DMD: variants seen among roughly 807,000 people sequenced by gnomAD.
DMD encodes the protein mutant dystrophin.
Under a neutral mutation model 330.1 loss-of-function variants are expected in DMD, and 63 were observed. The ratio of observed to expected loss-of-function variants is 0.19; its 90% CI spans 0.16 to 0.24. The LOEUF is 0.24. Ranked by LOEUF, DMD falls within the 10% of genes least tolerant of loss-of-function variation. The pLI is 1.00. For missense variants in DMD, 3,344 were observed against 2,684.1 expected (o/e 1.25, Z -5.43); for synonymous variants, 1,223 against 959.8 (o/e 1.27, Z -5.07).
intron 1 of DMD, among the ~76,000 whole-genome samples, chrX:33,063,576 G>T (rs2094607324): frequency 9.0e-6 from 1 of 111,427 alleles, no homozygotes; most frequent in Non-Finnish European, 1.9e-5. Flanking sequence ...TTTGCTCCCC[G>T]GCTGATGTAC....
chrX:32,351,010 A>C (rs985832487), intron 37 of DMD, among the ~76,000 whole-genome samples: 1 of 111,198 alleles, frequency 9.0e-6, no homozygotes, highest in African/African-American at 3.3e-5. Context: ...CAAGTTATTT[A>C]TCCTCATTGA....
intron 1 of DMD, among the ~76,000 whole-genome samples, chrX:33,028,195 G>A (rs1360607776): frequency 9.0e-6 from 1 of 111,654 alleles, no homozygotes; most frequent in Non-Finnish European, 1.9e-5. Context: ...GAATGGCAGT[G>A]GGGCTGGAAA....
intron 50 of DMD, among the ~76,000 whole-genome samples, chrX:31,788,859 C>A (rs1445309305): frequency 9.1e-6 from 1 of 110,375 alleles, no homozygotes; most frequent in African/African-American, 3.3e-5. Flanking sequence ...ATTTTTAAAG[C>A]CTATTTTGTC....
intron 44 of DMD, among the ~76,000 whole-genome samples, chrX:32,101,360 C>T (rs2096538784): frequency 9.0e-6 from 1 of 111,103 alleles, no homozygotes; most frequent in South Asian, 3.8e-4. Context: ...TTTAGGATTA[C>T]TACGAAGAAG....
intron 52 of DMD, among the ~76,000 whole-genome samples, chrX:31,712,385 C>G (rs775504708): frequency 8.9e-6 from 1 of 111,772 alleles, no homozygotes; most frequent in African/African-American, 3.2e-5. Context: ...GCTTGCTTTA[C>G]CATACCACTG....
chrX:31,622,787 G>A (rs1235471553), intron 55 of DMD, among the ~76,000 whole-genome samples: 5 of 103,371 alleles, frequency 4.8e-5, no homozygotes, highest in Admixed American at 2.2e-4. Context: ...CTAACACCAC[G>A]ACACATGGCA....
intron 6 of DMD, among the ~76,000 whole-genome samples, chrX:32,811,057 G>A (rs866366480): frequency 1.8e-5 from 2 of 109,874 alleles, no homozygotes; most frequent in Non-Finnish European, 3.8e-5. Context: ...TGCTGGCCAG[G>A]CACCTTGGCT....
At chrX:33,010,146 A>G (rs1041468095) in intron 2 of DMD, among the ~76,000 whole-genome samples, 2 of 104,539 alleles carry the variant, frequency 1.9e-5, no homozygotes, top group Non-Finnish European at 3.9e-5. Context: ...ATATACGTGT[A>G]TATATACATG....
intron 7 of DMD, among the ~76,000 whole-genome samples, chrX:32,776,239 C>G (rs754628086): frequency 4.6e-5 from 5 of 109,637 alleles, no homozygotes; most frequent in Non-Finnish European, 9.5e-5. Flanking sequence ...CAACAAGTCT[C>G]TGGGAAATTC....
In DMD at chrX:32,397,028, A is replaced by T. The variant is rs190919494; in HGVS notation, c.4234-6847T>A. Among the ~76,000 whole-genome samples, 283 of 111,452 alleles carry T rather than the reference A, an allele frequency of 2.5e-3. 3 individuals are homozygous for T. Among genetic ancestry groups the T allele is most frequent in the African/African-American group, 7.9e-3 (242 of 30,780 alleles). ...TGGGAAGAACAATCTCCTATGTAAA[A>T]ATCACTCATAAAAAAAGACAATGTA... On this transcript the variant is annotated intron_variant, in intron 30 of 78. Transcript: ENST00000357033.
At chrX:31,367,943 C>T (rs955569913) in intron 60 of DMD, among the ~76,000 whole-genome samples, 1 of 111,920 alleles carries the variant, frequency 8.9e-6, no homozygotes, top group African/African-American at 3.2e-5. Flanking sequence ...CTGACACTGC[C>T]GCTGCTCTGC....
intron 44 of DMD, among the ~76,000 whole-genome samples, chrX:32,119,867 C>T (rs1176770981): frequency 1.8e-5 from 2 of 112,115 alleles, no homozygotes; most frequent in South Asian, 7.4e-4. Context: ...GGGACTGATT[C>T]CACAGCCCTG....
chrX:32,673,513 T>G (rs941506591), intron 9 of DMD, among the ~76,000 whole-genome samples: 1 of 111,937 alleles, frequency 8.9e-6, no homozygotes, highest in Non-Finnish European at 1.9e-5. Flanking sequence ...CTTGAGAGGC[T>G]GATAATTTGG....
At chrX:32,766,134 C>T (rs1210908163) in intron 7 of DMD, among the ~76,000 whole-genome samples, 1 of 110,386 alleles carries the variant, frequency 9.1e-6, no homozygotes, top group Non-Finnish European at 1.9e-5. Flanking sequence ...GACGTATGAC[C>T]CTTCAACTTC....
chrX:31,924,372 C>A (rs1350050677), intron 47 of DMD, among the ~76,000 whole-genome samples: 1 of 111,915 alleles, frequency 8.9e-6, no homozygotes, highest in African/African-American at 3.2e-5. Context: ...CATTACATAG[C>A]AAATACGTCT....
At chrX:32,960,320 C>G (rs1238556574) in intron 2 of DMD, 1 of 111,307 alleles carries the variant, frequency 9.0e-6, no homozygotes, top group African/African-American at 3.3e-5. Context: ...CTCTTCTCAG[C>G]TAGGCCATAA....
intron 44 of DMD, among the ~76,000 whole-genome samples, chrX:32,140,277 TA>T (rs1405458677): frequency 8.9e-6 from 1 of 112,477 alleles, no homozygotes; most frequent in Non-Finnish European, 1.9e-5. Context: ...CTAAAGTGAT[TA>T]AATGGGCTGA....
At chrX:32,621,934 G>A (rs1275786136) in intron 11 of DMD, among the ~76,000 whole-genome samples, 1 of 111,449 alleles carries the variant, frequency 9.0e-6, no homozygotes, top group African/African-American at 3.3e-5. Flanking sequence ...ACTCTGGGAT[G>A]AGGTCTAGAA....
intron 44 of DMD, among the ~76,000 whole-genome samples, chrX:32,000,971 C>T (rs973216631): frequency 1.8e-5 from 2 of 110,780 alleles, no homozygotes; most frequent in East Asian, 2.8e-4. Flanking sequence ...TTGCATACAA[C>T]GGGCACATAT....
Sources: gnomAD v4.1 joint callset for allele counts (sites outside exome capture counted in the v4.1 genomes callset) on GRCh38, gnomAD v4.1.1 for gene constraint, MANE v1.5 for transcripts, NCBI Gene and HGNC (gene_info 2026-07-23, HGNC 2026-07-21) for gene names.